Variants in ZC3H4 observed in about 807,000 individuals in gnomAD.
ZC3H4 encodes the protein zinc finger CCCH-type containing 4, also known as zinc finger CCCH domain-containing protein 4.
In ZC3H4, 13 loss-of-function variants were observed where a neutral mutation model predicts 108.3. The ratio of observed to expected loss-of-function variants is 0.12; its 90% CI spans 0.08 to 0.19. The LOEUF is 0.19. ZC3H4 is among the 10% of genes least tolerant of loss of function. The probability of loss-of-function intolerance (pLI) is 1.00; values close to 1 mark genes in which losing one functional copy is unlikely to be tolerated. For missense variants in ZC3H4, 1,734 were observed against 1,838.8 expected (o/e 0.94, Z 1.04); for synonymous variants, 917 against 749.6 (o/e 1.22, Z -3.65).
Position 47,064,902 on chromosome 19 carries a change from G to A in ZC3H4, c.*1454C>T, listed in dbSNP as rs918007856. The A allele has an allele frequency of 1.3e-5, 2 of 152,134 alleles. No homozygotes were observed. The highest frequency in any genetic ancestry group is 4.8e-5 in the African/African-American group (2 of 41,422). 9.4% of individuals were successfully genotyped at this position (152,134 alleles called of 1,614,324 possible). A position where few individuals can be genotyped will look rare whatever the true frequency, so the allele number is the denominator to read the frequency against. On this transcript the variant is annotated 3_prime_UTR_variant, in exon 15 of 15. Transcript: ENST00000253048. ...AGCCTTGTTCACCCCACCCTGAGGA[G>A]GAGGGAAGGGGAATCCCTTGGCAGG...
chr19:47,068,710 T>G (rs1297411734), intron 14 of ZC3H4, among the ~76,000 whole-genome samples: 1 of 152,200 alleles, frequency 6.6e-6, no homozygotes, highest in African/African-American at 2.4e-5. Flanking sequence ...TATTACTGGT[T>G]AATTTCAATG....
chr19:47,070,464 G>T (rs181912137), intron 13 of ZC3H4, among the ~76,000 whole-genome samples: 46 of 152,226 alleles, frequency 3.0e-4, no homozygotes, highest in Non-Finnish European at 1.2e-4. Context: ...AGGATTTTAT[G>T]AAATGGGATT....
chr19:47,088,555 AAG>A (rs2057674206), intron 5 of ZC3H4, among the ~76,000 whole-genome samples: 5 of 151,616 alleles, frequency 3.3e-5, no homozygotes, highest in Admixed American at 6.6e-5. Context: ...TCAAAAAAAA[AAG>A]AAAGAATTGC....
intron 2 of ZC3H4, among the ~76,000 whole-genome samples, chr19:47,110,679 G>T (rs569976595): frequency 3.9e-4 from 59 of 152,286 alleles, no homozygotes; most frequent in African/African-American, 1.4e-3. Context: ...TGACATAAGA[G>T]AACTCCTTAG....
intron 2 of ZC3H4, among the ~76,000 whole-genome samples, chr19:47,095,327 G>C (rs976130419): frequency 6.6e-6 from 1 of 152,214 alleles, no homozygotes; most frequent in Admixed American, 6.5e-5. Context: ...GCTGGAAACA[G>C]GCTCAGAGTC....
intron 11 of ZC3H4, among the ~76,000 whole-genome samples, chr19:47,076,389 G>C (rs1432499162): frequency 2.0e-5 from 3 of 152,146 alleles, no homozygotes; most frequent in African/African-American, 7.2e-5. Flanking sequence ...CTATTTATAT[G>C]ATTTGCTTGA....
Position 47,112,494 on chromosome 19 carries a change from G to A in ZC3H4, c.91C>T (p.Pro31Ser), listed in dbSNP as rs1248142493. ...GCCGGGCGGGCGTCGGGGGAACACG[G>A]AGGAGGCGAAGGCGTTGATGGCGGC... ...PPPPSTPSPPPCSPDARPATP... is the reference protein window; with the variant it reads ...PPPPSTPSPPSCSPDARPATP... Residue 31 changes from proline (P) to serine (S), a missense_variant, in exon 2 of 15, where the codon CCG becomes TCG. This residue lies in a region of ZC3H4 where 112 missense variants were observed against 73.3 expected (regional missense o/e 1.53). Transcript: ENST00000253048. The A allele has an allele frequency of 8.7e-7, 1 of 1,153,978 alleles. No individual in the cohort carries two copies. Among genetic ancestry groups the A allele is most frequent in the African/African-American group, 1.6e-5 (1 of 62,942 alleles). 71.5% of individuals were successfully genotyped at this position (1,153,978 alleles called of 1,614,324 possible).
intron 9 of ZC3H4, among the ~76,000 whole-genome samples, chr19:47,082,608 T>G (rs1257720737): frequency 6.6e-6 from 1 of 152,186 alleles, no homozygotes; most frequent in Non-Finnish European, 1.5e-5. Flanking sequence ...CCACCAAGCC[T>G]GGGTACTTCC....
Position 47,112,553 on chromosome 19 carries a change from G to A in ZC3H4, c.32C>T (p.Pro11Leu). The A allele has an allele frequency of 9.7e-7, 1 of 1,034,234 alleles. No homozygotes were observed. The highest frequency in any genetic ancestry group is 1.2e-6 in the Non-Finnish European group (1 of 802,262). The allele number at this position is 1,034,234 out of a possible 1,614,324, so 64.1% of individuals were successfully genotyped here. ...TGGCGGCGGCGGCGACTCTGATGGC[G>A]GCGGCGGGGGGGTCCCGGGCGCGGC... MEAAPGTPPP[P>L]PSESPPPPSP... is the part of the protein sequence containing the mutation. Residue 11 changes from proline to leucine, a missense_variant, in exon 2 of 15, where the codon CCG (proline) becomes CTG (leucine). Physicochemically the swap from Pro to Leu is moderately conservative, Grantham distance 98. Around this residue, in one of 9 missense-constraint regions of ZC3H4, gnomAD observed 112 missense variants for 73.3 expected, o/e 1.53. Transcript: ENST00000253048.
rs2058054555 is a variant in ZC3H4 at position 47,112,558 on chromosome 19, C to A, written c.27G>T (p.Pro9=). Residue 9 remains proline (P), a synonymous_variant, in exon 2 of 15, where the codon CCG becomes CCT. Transcript: ENST00000253048. MEAAPGTP[P]PPPSESPPPP... is the part of the protein sequence containing the mutation. ...GCGGCGGCGACTCTGATGGCGGCGG[C>A]GGGGGGGTCCCGGGCGCGGCCTCCA... is the stretch of plus-strand genomic sequence containing the variant. 3.9e-6 allele frequency: 4 copies of A among 1,016,790 alleles called. No individual in the cohort carries two copies. The highest frequency in any genetic ancestry group is 5.1e-6 in the Non-Finnish European group (4 of 789,380). The allele number at this position is 1,016,790 out of a possible 1,614,324, so 63.0% of individuals were successfully genotyped here.
intron 2 of ZC3H4, among the ~76,000 whole-genome samples, chr19:47,099,818 G>GT (rs755830986): frequency 2.4e-4 from 28 of 116,586 alleles, no homozygotes; most frequent in African/African-American, 6.3e-4. Flanking sequence ...GTTTACAAGA[G>GT]TTTAAAAAAA....
intron 11 of ZC3H4, among the ~76,000 whole-genome samples, chr19:47,076,322 C>T (rs1165532191): frequency 8.2e-5 from 6 of 73,430 alleles, no homozygotes; most frequent in South Asian, 3.1e-4. Flanking sequence ...CGTGCGCGCG[C>T]GCGCACACAC....
chr19:47,093,736 C>A, intron 4 of ZC3H4: 3 of 427,038 alleles, frequency 7.0e-6, no homozygotes, highest in Non-Finnish European at 1.3e-5. Flanking sequence ...GAACTACAGG[C>A]ATGCCTGGTT....
At chr19:47,078,737 G>A (rs1431904572) in intron 11 of ZC3H4, among the ~76,000 whole-genome samples, 2 of 152,038 alleles carry the variant, frequency 1.3e-5, no homozygotes, top group Non-Finnish European at 2.9e-5. Flanking sequence ...GCTGGCACCT[G>A]TAATCCCAGC....
At chr19:47,085,236 CT>C in intron 7 of ZC3H4, 41 bp from the exon 8 acceptor site, 1 of 1,579,098 alleles carries the variant, frequency 6.3e-7, no homozygotes, top group Non-Finnish European at 8.6e-7. Context: ...TGACCACCCC[CT>C]CCCCCACCCC....
chr19:47,081,201 T>G (rs1286617734), intron 11 of ZC3H4, among the ~76,000 whole-genome samples: 1 of 152,232 alleles, frequency 6.6e-6, no homozygotes, highest in Non-Finnish European at 1.5e-5. Flanking sequence ...CTTTGTGTAT[T>G]GTGAGCTCTC....
chr19:47,110,652 T>A (rs1019593837), intron 2 of ZC3H4, among the ~76,000 whole-genome samples: 4 of 152,130 alleles, frequency 2.6e-5, no homozygotes, highest in Non-Finnish European at 5.9e-5. Flanking sequence ...CCCAACCCAT[T>A]GTAAGACATA....
chr19:47,105,183 A>C (rs952868187), intron 2 of ZC3H4, among the ~76,000 whole-genome samples: 1 of 152,208 alleles, frequency 6.6e-6, no homozygotes, highest in Admixed American at 6.5e-5. Context: ...GCTGCTGTGC[A>C]GGCATACCAG....
chr19:47,097,258 T>C (rs1157197802), intron 2 of ZC3H4, among the ~76,000 whole-genome samples: 2 of 152,262 alleles, frequency 1.3e-5, no homozygotes, highest in East Asian at 3.8e-4. Flanking sequence ...AGGCAGTGAC[T>C]ACTTGAAATT....
Sources: gnomAD v4.1 joint callset for allele counts (sites outside exome capture counted in the v4.1 genomes callset) on GRCh38, gnomAD v4.1.1 for gene constraint, gnomAD v4.1.1 regional missense constraint, MANE v1.5 for transcripts, NCBI Gene and HGNC (gene_info 2026-07-23, HGNC 2026-07-21) for gene names.